The following GLIS3 variants were observed in gnomAD, a reference collection of about 807,000 sequenced individuals.
GLIS3 encodes GLIS family zinc finger 3.
A neutral mutation model predicts 78.6 loss-of-function variants in GLIS3; 53 were observed. The observed-to-expected ratio is 0.67, with a 90% confidence interval of 0.54 to 0.85. The LOEUF is 0.85. Ranked by LOEUF, GLIS3 falls within the 40% of genes least tolerant of loss-of-function variation. The pLI is 0.00. For synonymous variants in GLIS3, 684 were observed against 509.9 expected (o/e 1.34, Z -4.60); for missense variants, 1,703 against 1,231.1 (o/e 1.38, Z -5.74).
At chr9:3,887,218 T>C (rs561743038) in intron 7 of GLIS3, among the ~76,000 whole-genome samples, 1 of 152,178 alleles carries the variant, frequency 6.6e-6, no homozygotes, top group South Asian at 2.1e-4. Context: ...CTGGATCGGG[T>C]GGCTGTCAGA....
At chr9:4,184,895 G>C (rs962629869) in intron 2 of GLIS3, among the ~76,000 whole-genome samples, 1 of 152,152 alleles carries the variant, frequency 6.6e-6, no homozygotes, top group Non-Finnish European at 1.5e-5. Context: ...TAAATATTGG[G>C]TTACATTACA....
intron 4 of GLIS3, among the ~76,000 whole-genome samples, chr9:4,307,680 T>G (rs1232552822): frequency 2.6e-5 from 4 of 152,208 alleles, no homozygotes; most frequent in Non-Finnish European, 4.4e-5. Flanking sequence ...TATCCTGGAC[T>G]GTGGAAGTGA....
rs570313702 is a variant in GLIS3 at position 4,247,602 on chromosome 9, T to G, written c.388+38436A>C. On this transcript the variant is annotated intron_variant, in intron 2 of 10. Coordinates refer to ENST00000381971, the MANE Select transcript of GLIS3 (RefSeq NM_001042413.2). The stretch of plus-strand genomic sequence containing the variant: ...TATTAAAATCAGGGACAAGAATGCT[T>G]ACTATCACCATTACAATTTACCATT... Among the ~76,000 whole-genome samples, 3 of 152,224 alleles carry G rather than the reference T, an allele frequency of 2.0e-5. No individual in the cohort carries two copies. In the East Asian group the frequency reaches 5.8e-4, roughly 29 times the overall value.
At chr9:3,939,333 A>G (rs1325568429) in intron 4 of GLIS3, among the ~76,000 whole-genome samples, 1 of 152,236 alleles carries the variant, frequency 6.6e-6, no homozygotes, top group Non-Finnish European at 1.5e-5. Context: ...GATCCAAGAC[A>G]TGTCTCTGAT....
intron 2 of GLIS3, among the ~76,000 whole-genome samples, chr9:4,262,924 T>C (rs1825658655): frequency 7.3e-6 from 1 of 136,444 alleles, no homozygotes; most frequent in East Asian, 2.1e-4. Context: ...ATTGTTTCAG[T>C]GTTTGCCTCA....
chr9:3,848,151 C>T (rs562680414), intron 9 of GLIS3, among the ~76,000 whole-genome samples: 1 of 152,156 alleles, frequency 6.6e-6, no homozygotes, highest in Non-Finnish European at 1.5e-5. Flanking sequence ...CTCATATATG[C>T]AGTTATGATG....
intron 4 of GLIS3, among the ~76,000 whole-genome samples, chr9:4,047,158 G>A (rs979687193): frequency 6.6e-6 from 1 of 152,136 alleles, no homozygotes. Context: ...TAGTGAGTGA[G>A]TTCTCATGAG....
At chr9:4,374,508 G>A in the GLIS3 span, among the ~76,000 whole-genome samples, 1 of 152,236 alleles carries the variant, frequency 6.6e-6, no homozygotes, top group Admixed American at 6.5e-5. Context: ...TCAGCCTGAA[G>A]CCCTTAAGAT....
chr9:4,019,212 T>G (rs1293819306), intron 4 of GLIS3, among the ~76,000 whole-genome samples: 1 of 152,202 alleles, frequency 6.6e-6, no homozygotes, highest in Non-Finnish European at 1.5e-5. Flanking sequence ...GGAATGGCGT[T>G]TAAAGTTTAA....
chr9:4,284,196 A>G (rs754424063), intron 2 of GLIS3, among the ~76,000 whole-genome samples: 9 of 152,226 alleles, frequency 5.9e-5, no homozygotes, highest in East Asian at 3.8e-4. Context: ...AAATAACCAT[A>G]GCATACAACT....
chr9:4,081,526 A>AC lies in GLIS3; in HGVS notation c.1710+36241dup, dbSNP rs374892355. Among the ~76,000 whole-genome samples, 198 of 152,144 alleles carry AC rather than the reference A, an allele frequency of 1.3e-3. 1 individual carries two copies. Among genetic ancestry groups the AC allele is most frequent in the African/African-American group, 4.5e-3 (187 of 41,512 alleles). ...TGGCTAAATGGAGAAAACACTGTGGACCCCCACGATACTGGAACCTAAGGT... is the reference window on the plus strand; with the variant it reads ...TGGCTAAATGGAGAAAACACTGTGGACCCCCCACGATACTGGAACCTAAGGT... On this transcript the variant is annotated intron_variant, in intron 4 of 10. Transcript: ENST00000381971.
chr9:4,125,971 A>T (rs1397173866), intron 2 of GLIS3, 30 bp from the exon 3 acceptor site: 1 of 1,541,348 alleles, frequency 6.5e-7, no homozygotes, highest in Admixed American at 1.7e-5. Flanking sequence ...GTTAGCTTTC[A>T]TGTCCCTTAC....
intron 4 of GLIS3, among the ~76,000 whole-genome samples, chr9:4,307,914 G>A (rs1351965608): frequency 1.3e-5 from 2 of 152,148 alleles, no homozygotes; most frequent in South Asian, 2.1e-4. Context: ...CTACAAAACT[G>A]TAAGATAGAA....
chr9:4,344,223 C>G (rs1016010743), intron 2 of GLIS3, among the ~76,000 whole-genome samples: 1 of 151,992 alleles, frequency 6.6e-6, no homozygotes, highest in African/African-American at 2.4e-5. Context: ...TTTTATTTGC[C>G]CCAGGGTTTC....
chr9:4,234,674 T>C (rs187941446), intron 2 of GLIS3, among the ~76,000 whole-genome samples: 1 of 152,192 alleles, frequency 6.6e-6, no homozygotes, highest in Non-Finnish European at 1.5e-5. Context: ...ATAGTGCCAA[T>C]GCACTTACTC....
At chr9:4,416,402 TACAGTAATATTGCTATGTAGTAC>T in the GLIS3 span, among the ~76,000 whole-genome samples, 1 of 151,316 alleles carries the variant, frequency 6.6e-6, no homozygotes, top group Admixed American at 6.6e-5. Context: ...GAAAACAAAA[TACAGTAATATTGCTATGTAGTAC>T]ACTGTAATAT....
intron 2 of GLIS3, among the ~76,000 whole-genome samples, chr9:4,181,414 A>G (rs1817313852): frequency 6.6e-6 from 1 of 152,202 alleles, no homozygotes. Context: ...GGTAGTCCAG[A>G]ATGACTGTGC....
intron 2 of GLIS3, among the ~76,000 whole-genome samples, chr9:4,251,205 C>T (rs1824341379): frequency 2.0e-5 from 3 of 152,104 alleles, no homozygotes; most frequent in Admixed American, 6.6e-5. Context: ...TGGCAGTGTG[C>T]TGTTATAGTC....
chr9:3,903,498 C>T (rs1004832590), intron 6 of GLIS3, among the ~76,000 whole-genome samples: 20 of 152,296 alleles, frequency 1.3e-4, no homozygotes, highest in African/African-American at 4.6e-4. Flanking sequence ...ATGTGAACGG[C>T]GTTCCTGGAA....
Sources: allele counts gnomAD v4.1 joint callset (sites outside exome capture counted in the v4.1 genomes callset), GRCh38; gene constraint gnomAD v4.1.1; transcripts MANE v1.5; gene names NCBI Gene and HGNC (gene_info 2026-07-23, HGNC 2026-07-21).